The following CDH10 variants were observed in gnomAD, a reference collection of about 807,000 sequenced individuals.
CDH10 encodes cadherin 10, also known as cadherin-10.
A neutral mutation model predicts 73.1 loss-of-function variants in CDH10; 30 were observed. The ratio of observed to expected loss-of-function variants is 0.41; its 90% CI spans 0.31 to 0.56. The LOEUF (loss-of-function observed/expected upper bound fraction) is 0.56. Among genes scored for constraint, CDH10 ranks in the 20% least tolerant of loss-of-function variants. The probability of loss-of-function intolerance (pLI) is 0.27; values close to 1 mark genes in which losing one functional copy is unlikely to be tolerated. For synonymous variants in CDH10, 345 were observed against 348.2 expected, an observed-to-expected ratio of 0.99 and a Z score of 0.10; for missense variants, 815 against 973.7, an observed-to-expected ratio of 0.84 and a Z score of 2.17.
intron 2 of CDH10, among the ~76,000 whole-genome samples, chr5:24,538,151 G>A (rs1744025283): frequency 6.6e-6 from 1 of 152,008 alleles, no homozygotes; most frequent in Non-Finnish European, 1.5e-5. Flanking sequence ...GACAAGCAAA[G>A]CTGTAGGAGA....
intron 5 of CDH10, among the ~76,000 whole-genome samples, chr5:24,522,074 CA>C (rs1002258525): frequency 1.3e-5 from 2 of 152,076 alleles, no homozygotes; most frequent in African/African-American, 4.8e-5. Context: ...GCAGGAGTTT[CA>C]GTGAGCCGCA....
In CDH10 at chr5:24,509,718, A is replaced by G. The variant is rs1255026615; in HGVS notation, c.1104T>C (p.Thr368=). ...RFYYLGPFKD[T]TIVKISIEDV... ...CTTCTATAGAGATTTTCACTATGGT[A>G]GTATCTTTAAATGGTCCTAGGTAAT... is the stretch of plus-strand genomic sequence containing the variant. Residue 368 remains threonine, a synonymous_variant, in exon 7 of 12, where the codon ACT becomes ACC. Coordinates refer to ENST00000264463, the MANE Select transcript of CDH10 (RefSeq NM_006727.5). 6.2e-7 allele frequency: 1 copy of G among 1,613,246 alleles called. No individual in the cohort carries two copies. The highest frequency in any genetic ancestry group is 1.3e-5 in the African/African-American group (1 of 74,902).
chr5:24,502,130 G>A (rs1742522502), intron 8 of CDH10, among the ~76,000 whole-genome samples: 1 of 152,176 alleles, frequency 6.6e-6, no homozygotes, highest in South Asian at 2.1e-4. Context: ...CACGGTGTTA[G>A]CCAGGATGGT....
chr5:24,571,546 A>G (rs1383635640), intron 2 of CDH10, among the ~76,000 whole-genome samples: 2 of 152,156 alleles, frequency 1.3e-5, no homozygotes, highest in Non-Finnish European at 1.5e-5. Flanking sequence ...GAAATTTTAT[A>G]TTGGCCATGA....
At chr5:24,583,933 G>A (rs1745886425) in intron 2 of CDH10, among the ~76,000 whole-genome samples, 1 of 152,140 alleles carries the variant, frequency 6.6e-6, no homozygotes, top group Admixed American at 6.5e-5. Flanking sequence ...GTGAGCCACC[G>A]TGCCCGGCCA....
At chr5:24,504,535 T>TTTTTTTTTTTTTTTTTTTTG (rs1742622818) in intron 8 of CDH10, among the ~76,000 whole-genome samples, 1 of 77,584 alleles carries the variant, frequency 1.3e-5, no homozygotes, top group Admixed American at 1.8e-4. Flanking sequence ...TTTTTTTTTT[T>TTTTTTTTTTTTTTTTTTTTG]TTTTTTTTAA....
intron 1 of CDH10, among the ~76,000 whole-genome samples, chr5:24,610,831 A>G (rs944945852): frequency 2.6e-5 from 4 of 152,196 alleles, no homozygotes; most frequent in African/African-American, 7.2e-5. Context: ...GGGAAGCTGC[A>G]CCTTTAACTG....
chr5:24,584,069 A>C (rs952589287), intron 2 of CDH10, among the ~76,000 whole-genome samples: 1 of 152,210 alleles, frequency 6.6e-6, no homozygotes, highest in African/African-American at 2.4e-5. Context: ...TAGACAATGA[A>C]GGCACATATT....
chr5:24,519,766 A>G (rs980848302), intron 5 of CDH10, among the ~76,000 whole-genome samples: 3 of 152,240 alleles, frequency 2.0e-5, no homozygotes, highest in Admixed American at 6.5e-5. Flanking sequence ...ATTTGACACA[A>G]TGACTTTGGG....
At chr5:24,600,226 T>G (rs1353498258) in intron 1 of CDH10, among the ~76,000 whole-genome samples, 1 of 152,214 alleles carries the variant, frequency 6.6e-6, no homozygotes, top group African/African-American at 2.4e-5. Context: ...TTATTAGTTG[T>G]GTAAATCCTT....
At chr5:24,513,022 T>C (rs1239640738) in intron 5 of CDH10, among the ~76,000 whole-genome samples, 1 of 149,268 alleles carries the variant, frequency 6.7e-6, no homozygotes, top group Non-Finnish European at 1.5e-5. Flanking sequence ...TCTTTCTTTG[T>C]TTCTTTTCTT....
Position 24,492,887 on chromosome 5 carries a change from A to T in CDH10, c.1554T>A (p.Pro518=). 6.3e-7 allele frequency: 1 copy of T among 1,579,544 alleles called. No homozygotes were observed. The highest frequency in any genetic ancestry group is 8.7e-7 in the Non-Finnish European group (1 of 1,148,796). The part of the protein sequence containing the change: ...QTISAVDKDD[P]LGGQKFFFSL... ...TGAAAAAAAATTTCTGTCCACCTAA[A>T]GGGTCATCTTTGTCTACTGCACTTA... is the stretch of plus-strand genomic sequence containing the variant. Residue 518 remains proline (P), a synonymous_variant, in exon 10 of 12, where the codon CCT becomes CCA. Coordinates refer to ENST00000264463, the MANE Select transcript of CDH10 (RefSeq NM_006727.5).
At chr5:24,596,610 T>G (rs1450588115) in intron 1 of CDH10, among the ~76,000 whole-genome samples, 1 of 152,120 alleles carries the variant, frequency 6.6e-6, no homozygotes. Flanking sequence ...ATATTTCATT[T>G]CAATATCCGA....
intron 1 of CDH10, chr5:24,612,874 T>G (rs1391655659): frequency 2.6e-5 from 4 of 152,156 alleles, no homozygotes; most frequent in African/African-American, 9.7e-5. Flanking sequence ...TCAGAGCCCC[T>G]GATGGAATAT....
At chr5:24,569,180 T>G in intron 2 of CDH10, among the ~76,000 whole-genome samples, 1 of 152,220 alleles carries the variant, frequency 6.6e-6, no homozygotes, top group Admixed American at 6.5e-5. Context: ...ATAATTCCAC[T>G]TATATGAATT....
At chr5:24,516,717 A>C (rs1448233014) in intron 5 of CDH10, among the ~76,000 whole-genome samples, 2 of 151,914 alleles carry the variant, frequency 1.3e-5, no homozygotes, top group Non-Finnish European at 2.9e-5. Context: ...GGTGCCTTTC[A>C]ACATGTCTTC....
intron 8 of CDH10, among the ~76,000 whole-genome samples, chr5:24,498,897 G>T (rs183561700): frequency 7.8e-4 from 119 of 152,188 alleles, no homozygotes; most frequent in African/African-American, 2.7e-3. Context: ...TTTGGATGAA[G>T]AAATAGTTTT....
Position 24,584,237 on chromosome 5 carries a change from A to G in CDH10, c.231+9023T>C, listed in dbSNP as rs115024386. Among the ~76,000 whole-genome samples the G allele has an allele frequency of 1.7e-3, 253 of 152,240 alleles. 1 individual carries two copies. Among genetic ancestry groups the G allele is most frequent in the African/African-American group, 5.9e-3 (245 of 41,556 alleles). On this transcript the variant is annotated intron_variant, in intron 2 of 11. Coordinates refer to ENST00000264463, the MANE Select transcript of CDH10 (RefSeq NM_006727.5). ...AACTGTACCCCCAAAATTGTATGTG[A>G]TAGTAATTATACCAATATTTTCTTC...
chr5:24,598,865 G>A (rs536399704), intron 1 of CDH10, among the ~76,000 whole-genome samples: 110 of 152,174 alleles, frequency 7.2e-4, no homozygotes, highest in African/African-American at 2.5e-3. Flanking sequence ...GCTATACTAC[G>A]TGCTAACATC....
Sources: gnomAD v4.1 joint callset for allele counts (sites outside exome capture counted in the v4.1 genomes callset) on GRCh38, gnomAD v4.1.1 for gene constraint, MANE v1.5 for transcripts, NCBI Gene and HGNC (gene_info 2026-07-23, HGNC 2026-07-21) for gene names.